CHRM3: variants seen among roughly 807,000 people sequenced by gnomAD.
CHRM3 encodes cholinergic receptor muscarinic 3.
In CHRM3, 11 loss-of-function variants were observed where a neutral mutation model predicts 41.8. The ratio of observed to expected loss-of-function variants is 0.26; its 90% CI spans 0.17 to 0.44. CHRM3 has a LOEUF of 0.44. Among genes scored for constraint, CHRM3 ranks in the 20% least tolerant of loss-of-function variants. The pLI, the probability that CHRM3 is intolerant of heterozygous loss-of-function variation, is 1.00. For missense variants in CHRM3, 571 were observed against 745.4 expected, an observed-to-expected ratio of 0.77 and a Z score of 2.72; for synonymous variants, 297 against 301.4, an observed-to-expected ratio of 0.99 and a Z score of 0.15.
At chr1:239,577,098 C>T (rs1662438731) in intron 3 of CHRM3, among the ~76,000 whole-genome samples, 1 of 151,998 alleles carries the variant, frequency 6.6e-6, no homozygotes, top group Non-Finnish European at 1.5e-5. Context: ...ATTGCTTCCC[C>T]AGAATTTGTA....
intron 5 of CHRM3, among the ~76,000 whole-genome samples, chr1:239,770,572 T>C (rs1372418144): frequency 6.6e-6 from 1 of 152,164 alleles, no homozygotes; most frequent in Non-Finnish European, 1.5e-5. Context: ...AGCCACGTAG[T>C]CTGCAGTTAT....
intron 5 of CHRM3, among the ~76,000 whole-genome samples, chr1:239,784,984 T>C (rs1356469869): frequency 6.6e-6 from 1 of 152,242 alleles, no homozygotes; most frequent in Non-Finnish European, 1.5e-5. Context: ...ATCCACATTT[T>C]ATCCTATAGT....
chr1:239,493,084 C>A (rs554839736), intron 2 of CHRM3, among the ~76,000 whole-genome samples: 93 of 152,160 alleles, frequency 6.1e-4, no homozygotes, highest in African/African-American at 2.0e-3. Context: ...TGAAGTTAGG[C>A]CACAGATTTA....
At chr1:239,666,573 T>G (rs1673826492) in intron 4 of CHRM3, among the ~76,000 whole-genome samples, 1 of 152,212 alleles carries the variant, frequency 6.6e-6, no homozygotes, top group African/African-American at 2.4e-5. Context: ...TTCCTGGGTT[T>G]GTGGCTGGAT....
chr1:239,731,167 T>A (rs1663931250), intron 5 of CHRM3, among the ~76,000 whole-genome samples: 1 of 151,946 alleles, frequency 6.6e-6, no homozygotes, highest in South Asian at 2.1e-4. Context: ...GGCTGTGGAC[T>A]GTCACGTGCA....
rs1680202571 is a variant in CHRM3 at position 239,909,086 on chromosome 1, T to C, written c.1635T>C (p.Ala545=). ...GCACCGTGAACCCCGTGTGCTATGC[T>C]CTGTGCAACAAAACATTCAGAACCA... ...INSTVNPVCY[A]LCNKTFRTTF... is the part of the protein sequence containing the mutation. The change falls in exon 7 of 7, where the codon GCT becomes GCC. Residue 545 remains alanine (A), a synonymous_variant. Coordinates refer to ENST00000676153, the MANE Select transcript of CHRM3 (RefSeq NM_001375978.1). 1 of 1,613,950 alleles carries C rather than the reference T, an allele frequency of 6.2e-7. No homozygotes were observed. The highest frequency in any genetic ancestry group is 8.5e-7 in the Non-Finnish European group (1 of 1,180,030).
intron 6 of CHRM3, among the ~76,000 whole-genome samples, chr1:239,846,312 C>T (rs1674258592): frequency 6.6e-6 from 1 of 152,098 alleles, no homozygotes; most frequent in Non-Finnish European, 1.5e-5. Context: ...CTGTTTGAGA[C>T]TTGAACATAT....
intron 1 of CHRM3, among the ~76,000 whole-genome samples, chr1:239,467,486 G>C (rs1444771454): frequency 4.6e-5 from 7 of 152,070 alleles, no homozygotes. Context: ...ATTTTTAGTA[G>C]AGACTGGGTT....
intron 4 of CHRM3, among the ~76,000 whole-genome samples, chr1:239,661,924 A>G (rs1314916695): frequency 1.3e-5 from 2 of 152,130 alleles, no homozygotes; most frequent in Non-Finnish European, 2.9e-5. Flanking sequence ...AAGGAAAGAT[A>G]GTTTATAGGA....
chr1:239,884,202 C>G (rs1028718898), intron 6 of CHRM3, among the ~76,000 whole-genome samples: 2 of 152,136 alleles, frequency 1.3e-5, no homozygotes, highest in Non-Finnish European at 1.5e-5. Context: ...AGTTAAGGAG[C>G]TTGAGAGGAA....
chr1:239,762,790 G>A (rs145383548), intron 5 of CHRM3, among the ~76,000 whole-genome samples: 23 of 152,194 alleles, frequency 1.5e-4, no homozygotes, highest in African/African-American at 4.8e-4. Context: ...AAACTACAAG[G>A]TATTTAATTT....
chr1:239,453,572 A>G (rs1356890277), intron 1 of CHRM3, among the ~76,000 whole-genome samples: 1 of 152,214 alleles, frequency 6.6e-6, no homozygotes, highest in Non-Finnish European at 1.5e-5. Flanking sequence ...TTTCCATACA[A>G]TTAACATGGA....
chr1:239,863,376 G>A (rs1490691319), intron 6 of CHRM3, among the ~76,000 whole-genome samples: 1 of 152,148 alleles, frequency 6.6e-6, no homozygotes, highest in Non-Finnish European at 1.5e-5. Context: ...GAATAGCCAG[G>A]GCCACTTTCT....
At chr1:239,412,060 TA>T (rs1264058038) in intron 1 of CHRM3, among the ~76,000 whole-genome samples, 1 of 151,622 alleles carries the variant, frequency 6.6e-6, no homozygotes, top group Non-Finnish European at 1.5e-5. Context: ...GATAATCATA[TA>T]AAAATTTTGG....
At chr1:239,404,414 G>GAAAGAA (rs1558195789) in intron 1 of CHRM3, among the ~76,000 whole-genome samples, 1 of 51,218 alleles carries the variant, frequency 2.0e-5, no homozygotes, top group African/African-American at 8.2e-5. Context: ...GAAAGAAAAA[G>GAAAGAA]AAAGAAAGAA....
chr1:239,712,353 G>T (rs1000788612), intron 5 of CHRM3, among the ~76,000 whole-genome samples: 1 of 151,892 alleles, frequency 6.6e-6, no homozygotes, highest in African/African-American at 2.4e-5. Context: ...CTTCAGGTCA[G>T]AAAAAGAAAA....
chr1:239,515,061 A>G (rs564191858), intron 2 of CHRM3, among the ~76,000 whole-genome samples: 3 of 152,148 alleles, frequency 2.0e-5, no homozygotes, highest in Non-Finnish European at 2.9e-5. Context: ...TAACAGAAAT[A>G]TAAGTAGAGT....
intron 4 of CHRM3, among the ~76,000 whole-genome samples, chr1:239,673,560 A>G (rs148946328): frequency 2.6e-5 from 4 of 152,136 alleles, no homozygotes; most frequent in Non-Finnish European, 5.9e-5. Context: ...TTTTCATTCA[A>G]CGTATATTTT....
chr1:239,430,635 T>C (rs1393694418), intron 1 of CHRM3, among the ~76,000 whole-genome samples: 1 of 151,866 alleles, frequency 6.6e-6, no homozygotes, highest in Non-Finnish European at 1.5e-5. Context: ...CACAAGATTT[T>C]TTCCTCTTCA....
Sources: allele counts gnomAD v4.1 joint callset (sites outside exome capture counted in the v4.1 genomes callset), GRCh38; gene constraint gnomAD v4.1.1; transcripts MANE v1.5; gene names NCBI Gene and HGNC (gene_info 2026-07-23, HGNC 2026-07-21).